Variants in AGBL4 observed in about 807,000 individuals in gnomAD.
AGBL4 encodes AGBL carboxypeptidase 4.
Under a neutral mutation model 66.4 loss-of-function variants are expected in AGBL4, and 58 were observed. The observed-to-expected ratio is 0.87, with a 90% CI of 0.71 to 1.09. The LOEUF (loss-of-function observed/expected upper bound fraction) is 1.09, where lower values mean the gene tolerates loss of function less well. AGBL4 is among the 50% of genes least tolerant of loss of function. The pLI is 0.00. For synonymous variants in AGBL4, 234 were observed against 222.9 expected (o/e 1.05, Z -0.44); for missense variants, 579 against 631.0 (o/e 0.92, Z 0.88).
chr1:49,120,000 A>G lies in AGBL4; in HGVS notation c.378-74200T>C, dbSNP rs140361501. On this transcript the variant is annotated intron_variant, in intron 4 of 13. Coordinates refer to ENST00000371839, the MANE Select transcript of AGBL4 (RefSeq NM_032785.4). ...TGTTTTATCAGAGACTAGGATTGCA[A>G]CACCTGCTTTTTTTTGCTTTCCATT... is the stretch of plus-strand genomic sequence containing the variant. Among the ~76,000 whole-genome samples, 469 of 152,228 alleles carry G rather than the reference A, an allele frequency of 3.1e-3. 27 individuals are homozygous for G. In the East Asian group the frequency reaches 0.076, roughly 25 times the overall value.
At chr1:48,531,855 C>A (rs184759946), downstream of AGBL4, among the ~76,000 whole-genome samples, 1 of 152,238 alleles carries the variant, frequency 6.6e-6, no homozygotes, top group Non-Finnish European at 1.5e-5. Context: ...GGCTCATTGG[C>A]TCACTGCAAC....
At chr1:48,546,299 C>T (rs1161602545) in intron 11 of AGBL4, among the ~76,000 whole-genome samples, 3 of 152,150 alleles carry the variant, frequency 2.0e-5, no homozygotes, top group African/African-American at 4.8e-5. Flanking sequence ...CTTCTAACAG[C>T]GTGCGTATGT....
intron 3 of AGBL4, among the ~76,000 whole-genome samples, chr1:49,509,725 TCTG>T (rs903594492): frequency 6.6e-6 from 1 of 152,036 alleles, no homozygotes. Context: ...TCTCAATTTT[TCTG>T]CTTACAACCT....
At position 48,736,134 on chromosome 1, in the gene AGBL4, A is replaced by G; in HGVS notation, c.635-72893T>C. 7.6e-7 allele frequency: 1 copy of G among 1,321,996 alleles called. No individual in the cohort carries two copies. The highest frequency in any genetic ancestry group is 1.1e-6 in the Non-Finnish European group (1 of 930,272). 81.9% of individuals were successfully genotyped at this position (1,321,996 alleles called of 1,614,324 possible). On this transcript the variant is annotated intron_variant, in intron 6 of 13. Coordinates refer to ENST00000371839, the MANE Select transcript of AGBL4 (RefSeq NM_032785.4). The surrounding 1 kb of genome is among the most constrained non-coding windows in gnomAD (Gnocchi z 4.0). ...CCCCGGGCTCAGCCCAGGGTCTGGCATGCAGAAGCTTCATAAGTAATCGTT... is the reference window on the plus strand; with the variant it reads ...CCCCGGGCTCAGCCCAGGGTCTGGCGTGCAGAAGCTTCATAAGTAATCGTT...
intron 5 of AGBL4, among the ~76,000 whole-genome samples, chr1:49,028,179 A>G (rs1267803544): frequency 3.3e-5 from 5 of 152,202 alleles, no homozygotes; most frequent in Non-Finnish European, 7.4e-5. Flanking sequence ...AAGTAAAACA[A>G]CAGACTAGCT....
intron 1 of AGBL4, among the ~76,000 whole-genome samples, chr1:49,878,398 T>G (rs1016830449): frequency 6.6e-6 from 1 of 151,108 alleles, no homozygotes; most frequent in African/African-American, 2.4e-5. Context: ...TCTTTATTTC[T>G]GCCTTCATTT....
chr1:49,596,601 T>C (rs1474259347), intron 3 of AGBL4, among the ~76,000 whole-genome samples: 1 of 152,280 alleles, frequency 6.6e-6, no homozygotes, highest in African/African-American at 2.4e-5. Context: ...ATTTGTTTTC[T>C]ATTTAGTTAA....
chr1:48,564,857 C>G (rs570641172), intron 11 of AGBL4, among the ~76,000 whole-genome samples: 2 of 152,294 alleles, frequency 1.3e-5, no homozygotes, highest in African/African-American at 4.8e-5. Flanking sequence ...CAGTTGATGA[C>G]TGTTGATGGC....
At chr1:49,100,598 A>C (rs1205180896) in intron 4 of AGBL4, among the ~76,000 whole-genome samples, 8 of 152,174 alleles carry the variant, frequency 5.3e-5, no homozygotes, top group African/African-American at 1.9e-4. Context: ...GGTAGAAGTC[A>C]AGTCAGGCAG....
intron 3 of AGBL4, among the ~76,000 whole-genome samples, chr1:49,596,602 A>G (rs1256983916): frequency 6.6e-6 from 1 of 152,228 alleles, no homozygotes; most frequent in Non-Finnish European, 1.5e-5. Flanking sequence ...TTTGTTTTCT[A>G]TTTAGTTAAA....
rs144752008 is a variant in AGBL4 at position 49,640,569 on chromosome 1, A to C, written c.282+56744T>G. 3.9e-5 allele frequency among the ~76,000 whole-genome samples: 6 copies of C among 152,236 alleles called. No homozygotes were observed. In the East Asian group the frequency reaches 9.7e-4, roughly 25 times the overall value. ...TCTTTTTTATGTAGCAGAAACTTAA[A>C]ACAATTGAAATTCTAAAGATGGAAA... On this transcript the variant is annotated intron_variant, in intron 3 of 13. Coordinates refer to ENST00000371839, the MANE Select transcript of AGBL4 (RefSeq NM_032785.4).
intron 1 of AGBL4, among the ~76,000 whole-genome samples, chr1:49,861,552 A>G (rs1302573019): frequency 6.6e-6 from 1 of 152,054 alleles, no homozygotes; most frequent in Non-Finnish European, 1.5e-5. Context: ...CACCACCTTG[A>G]TGGTCTTGGA....
chr1:48,924,424 C>A (rs1463373552), intron 5 of AGBL4, among the ~76,000 whole-genome samples: 5 of 152,054 alleles, frequency 3.3e-5, no homozygotes, highest in Non-Finnish European at 7.4e-5. Flanking sequence ...CTGAGAGGGT[C>A]TGTTGGCAAA....
chr1:49,948,731 G>A (rs1655794921), intron 1 of AGBL4, among the ~76,000 whole-genome samples: 1 of 150,646 alleles, frequency 6.6e-6, no homozygotes, highest in South Asian at 2.1e-4. Context: ...TCATGGATGG[G>A]TAGAATAAAT....
chr1:49,875,760 T>G (rs1309867924), intron 1 of AGBL4, among the ~76,000 whole-genome samples: 2 of 118,020 alleles, frequency 1.7e-5, no homozygotes, highest in African/African-American at 6.6e-5. Flanking sequence ...TGAACTAGTT[T>G]ACAGTCCCAC....
In AGBL4 at chr1:49,781,357, G is replaced by C. The variant is rs775859714; in HGVS notation, c.157+70039C>G. ...TGCAGTAAGCTATGATCATACCACT[G>C]TACTCTCCAGCCTGAGCAACAGAGC... On this transcript the variant is annotated intron_variant, in intron 2 of 13. Coordinates refer to ENST00000371839, the MANE Select transcript of AGBL4 (RefSeq NM_032785.4). Among the ~76,000 whole-genome samples, 3 of 151,940 alleles carry C rather than the reference G, an allele frequency of 2.0e-5. No homozygotes were observed. The East Asian group carries it at 5.8e-4, about 29-fold the overall frequency.
intron 4 of AGBL4, among the ~76,000 whole-genome samples, chr1:49,145,314 T>C (rs1193850407): frequency 2.0e-5 from 3 of 152,182 alleles, no homozygotes; most frequent in African/African-American, 7.2e-5. Flanking sequence ...CTGCCTGGTT[T>C]TGTATCCCAC....
intron 3 of AGBL4, among the ~76,000 whole-genome samples, chr1:49,382,745 G>A (rs1378372552): frequency 2.0e-5 from 3 of 152,156 alleles, no homozygotes; most frequent in East Asian, 1.9e-4. Flanking sequence ...CAGAGAGCAT[G>A]ATCTTACATG....
chr1:49,500,168 T>G (rs971119443), intron 3 of AGBL4, among the ~76,000 whole-genome samples: 3 of 152,118 alleles, frequency 2.0e-5, no homozygotes, highest in African/African-American at 7.2e-5. Context: ...GCCATTTGTA[T>G]ATCTTCTTTT....
Sources: allele counts gnomAD v4.1 joint callset (sites outside exome capture counted in the v4.1 genomes callset), GRCh38; gene constraint gnomAD v4.1.1; non-coding constraint Gnocchi (gnomAD v3.1); transcripts MANE v1.5; gene names NCBI Gene and HGNC (gene_info 2026-07-23, HGNC 2026-07-21).